The following DHX9 variants were observed in gnomAD, a reference collection of about 807,000 sequenced individuals.
The protein encoded by DHX9 is ATP-dependent RNA helicase A.
Under a neutral mutation model 148.7 loss-of-function variants are expected in DHX9, and 27 were observed. The ratio of observed to expected loss-of-function variants is 0.18; its 90% CI spans 0.13 to 0.25. The LOEUF is 0.25. Among genes scored for constraint, DHX9 ranks in the 10% least tolerant of loss-of-function variants. The pLI is 1.00. For synonymous variants in DHX9, 529 were observed against 516.6 expected (o/e 1.02, Z -0.33); for missense variants, 796 against 1,559.6 (o/e 0.51, Z 8.25).
In DHX9 at chr1:182,886,457, A is replaced by G. The variant is rs565460335; in HGVS notation, c.3462-626A>G. ...GTGATCCACCCACCTCAGCCTCCCA[A>G]AGTGCTGGGATTACAAACCTGAACC... On this transcript the variant is annotated intron_variant, in intron 27 of 27. Transcript: ENST00000367549. Among the ~76,000 whole-genome samples, 4 of 152,198 alleles carry G rather than the reference A, an allele frequency of 2.6e-5. No individual in the cohort carries two copies. In the South Asian group the frequency reaches 6.2e-4, roughly 24 times the overall value.
intron 14 of DHX9, among the ~76,000 whole-genome samples, chr1:182,867,859 G>A (rs576229387): frequency 6.6e-6 from 1 of 152,312 alleles, no homozygotes; most frequent in South Asian, 2.1e-4. Context: ...AAATCAACTT[G>A]CTATGCAATT....
Position 182,883,132 on chromosome 1 carries a change from T to G in DHX9, c.2915-7T>G. On this transcript the variant is annotated splice_polypyrimidine_tract_variant and splice_region_variant and intron_variant, in intron 24 of 27. Coordinates refer to ENST00000367549, the MANE Select transcript of DHX9 (RefSeq NM_001357.5). ...GATTTTTGTTTTCACTGTGCTCCTCTTAACAGATTGTTTGTTGACACAAGT... is the reference window on the plus strand; with the variant it reads ...GATTTTTGTTTTCACTGTGCTCCTCGTAACAGATTGTTTGTTGACACAAGT... The G allele has an allele frequency of 2.5e-6, 4 of 1,608,982 alleles. No homozygotes were observed. Among genetic ancestry groups the G allele is most frequent in the Non-Finnish European group, 3.4e-6 (4 of 1,175,310 alleles).
intron 11 of DHX9, among the ~76,000 whole-genome samples, chr1:182,859,700 C>T (rs762077925): frequency 6.6e-6 from 1 of 152,116 alleles, no homozygotes; most frequent in East Asian, 1.9e-4. Context: ...GCACCCTCCG[C>T]CTCCTTGGTT....
chr1:182,865,468 A>G (rs575089756), intron 12 of DHX9, among the ~76,000 whole-genome samples: 1 of 152,336 alleles, frequency 6.6e-6, no homozygotes, highest in African/African-American at 2.4e-5. Context: ...ATTCAAGAAA[A>G]TGGTGACATA....
At chr1:182,875,997 T>C in intron 16 of DHX9, 53 bp from the exon 17 acceptor site, 1 of 1,425,848 alleles carries the variant, frequency 7.0e-7, no homozygotes, top group Non-Finnish European at 9.8e-7. Context: ...CTAGAAGACT[T>C]ACCTCATGAG....
chr1:182,852,546 G>C (rs377362402), intron 4 of DHX9, among the ~76,000 whole-genome samples: 2 of 152,220 alleles, frequency 1.3e-5, no homozygotes, highest in East Asian at 3.9e-4. Context: ...GTTCTTTGCT[G>C]TCATTGGCTT....
chr1:182,844,987 C>T (rs1472363891), intron 3 of DHX9, among the ~76,000 whole-genome samples: 1 of 152,136 alleles, frequency 6.6e-6, no homozygotes, highest in Non-Finnish European at 1.5e-5. Context: ...TTAACAGGGT[C>T]CTGTTACTGA....
intron 3 of DHX9, among the ~76,000 whole-genome samples, chr1:182,845,950 C>T (rs1668020329): frequency 6.6e-6 from 1 of 152,158 alleles, no homozygotes; most frequent in Non-Finnish European, 1.5e-5. Flanking sequence ...CAAACCCTGT[C>T]CTTTGGTTTT....
chr1:182,868,446 A>G (rs566379006), intron 14 of DHX9, among the ~76,000 whole-genome samples: 12 of 152,140 alleles, frequency 7.9e-5, no homozygotes, highest in Non-Finnish European at 1.3e-4. Flanking sequence ...TTGCTATTTA[A>G]TAAAATTTAA....
intron 1 of DHX9, among the ~76,000 whole-genome samples, chr1:182,840,547 C>G (rs1418384103): frequency 2.0e-5 from 3 of 152,160 alleles, no homozygotes; most frequent in Non-Finnish European, 4.4e-5. Context: ...ATCCGCCTGC[C>G]TTGGCCTACC....
intron 3 of DHX9, among the ~76,000 whole-genome samples, chr1:182,846,271 TTTG>T (rs1668027719): frequency 6.6e-6 from 1 of 151,936 alleles, no homozygotes; most frequent in Non-Finnish European, 1.5e-5. Flanking sequence ...GAGTTTCGCT[TTTG>T]TTGCCCAGGC....
In DHX9 at chr1:182,872,436, G is replaced by C. The variant is rs1282209858; in HGVS notation, c.1657G>C (p.Glu553Gln). ...TACTATTGATACCAGCATGTTTTGT[G>C]AATATTTCTTCAATTGCCCCATCAT... ...SATIDTSMFC[E>Q]YFFNCPIIEV... Residue 553 changes from glutamate to glutamine, a missense_variant, in exon 15 of 28, where the codon GAA becomes CAA. This residue lies in a region of DHX9 where 133 missense variants were observed against 223.8 expected (regional missense o/e 0.59). Coordinates refer to ENST00000367549, the MANE Select transcript of DHX9 (RefSeq NM_001357.5). The C allele has an allele frequency of 6.2e-7, 1 of 1,613,952 alleles. No individual in the cohort carries two copies. Among genetic ancestry groups the C allele is most frequent in the Non-Finnish European group, 8.5e-7 (1 of 1,179,962 alleles).
In DHX9 at chr1:182,860,596, C is replaced by T. The variant is rs1035364726; in HGVS notation, c.1332+412C>T. ...AGTAGCTTTTTAGAAAAAACTCAAT[C>T]GAAGTTCATAATGACCCTAAGATGT... On this transcript the variant is annotated intron_variant, in intron 12 of 27. Transcript: ENST00000367549. 1.1e-4 allele frequency among the ~76,000 whole-genome samples: 17 copies of T among 152,146 alleles called. 1 individual carries two copies. Among genetic ancestry groups the T allele is most frequent in the South Asian group, 2.1e-4 (1 of 4,830 alleles).
chr1:182,860,152 C>A lies in DHX9; in HGVS notation c.1300C>A (p.Arg434=). 1 of 1,611,086 alleles carries A rather than the reference C, an allele frequency of 6.2e-7. No homozygotes were observed. Among genetic ancestry groups the A allele is most frequent in the South Asian group, 1.1e-5 (1 of 90,516 alleles). The change falls in exon 12 of 28, where the codon CGA becomes AGA. Residue 434 remains arginine, a synonymous_variant. Transcript: ENST00000367549. ...FILDDFIQND[R]AAECNIVVTQ... ...TCTAGATGACTTTATCCAGAATGAC[C>A]GAGCAGCAGAGTGTAACATCGTAGT...
intron 25 of DHX9, 31 bp downstream of exon 25, chr1:182,883,399 A>G: frequency 6.3e-7 from 1 of 1,599,658 alleles, no homozygotes; most frequent in Non-Finnish European, 8.6e-7. Flanking sequence ...TTTACATTGA[A>G]AGTTGAAATT....
At chr1:182,875,811 T>A (rs1206866947) in intron 16 of DHX9, among the ~76,000 whole-genome samples, 1 of 152,138 alleles carries the variant, frequency 6.6e-6, no homozygotes, top group African/African-American at 2.4e-5. Flanking sequence ...CAAATTTAAG[T>A]TTGTGTTTGA....
chr1:182,879,487 A>G (rs890926124), intron 21 of DHX9, 77 bp downstream of exon 21: 9 of 1,292,268 alleles, frequency 7.0e-6, no homozygotes, highest in African/African-American at 3.0e-5. Context: ...AACACTTACA[A>G]ATGAATCAAG....
chr1:182,864,848 A>T (rs1648218050), intron 12 of DHX9, among the ~76,000 whole-genome samples: 1 of 152,192 alleles, frequency 6.6e-6, no homozygotes, highest in African/African-American at 2.4e-5. Context: ...TTTGTGTTTT[A>T]TGGGTAGTTA....
At chr1:182,876,718 CT>C in intron 18 of DHX9, 111 bp from the exon 19 acceptor site, 1 of 936,790 alleles carries the variant, frequency 1.1e-6, no homozygotes. Flanking sequence ...ATTGGGTGAT[CT>C]TTTTAGGACT....
Sources: gnomAD v4.1 joint callset for allele counts (sites outside exome capture counted in the v4.1 genomes callset) on GRCh38, gnomAD v4.1.1 for gene constraint, gnomAD v4.1.1 regional missense constraint, MANE v1.5 for transcripts, NCBI Gene and HGNC (gene_info 2026-07-23, HGNC 2026-07-21) for gene names.